The following RIMS2 variants were observed in gnomAD, a reference collection of about 807,000 sequenced individuals.
RIMS2 encodes regulating synaptic membrane exocytosis 2, also known as regulating synaptic membrane exocytosis protein 2.
In RIMS2, 59 loss-of-function variants were observed where a neutral mutation model predicts 174.4. That is an observed-to-expected ratio of 0.34 (90% CI 0.27 to 0.42). The LOEUF (loss-of-function observed/expected upper bound fraction) is 0.42. Ranked by LOEUF, RIMS2 falls within the 10% of genes least tolerant of loss-of-function variation. The probability of loss-of-function intolerance (pLI) is 1.00; values close to 1 mark genes in which losing one functional copy is unlikely to be tolerated. For missense variants in RIMS2, 1,620 were observed against 1,666.3 expected, an observed-to-expected ratio of 0.97 and a Z score of 0.48; for synonymous variants, 606 against 572.5, an observed-to-expected ratio of 1.06 and a Z score of -0.84.
chr8:103,638,252 A>G (rs1011691729), intron 1 of RIMS2, among the ~76,000 whole-genome samples: 3 of 152,092 alleles, frequency 2.0e-5, no homozygotes, highest in Non-Finnish European at 4.4e-5. Context: ...CATCAAAACC[A>G]CAGTAATTAA....
intron 3 of RIMS2, among the ~76,000 whole-genome samples, chr8:103,787,540 T>A (rs2098455277): frequency 6.6e-6 from 1 of 152,020 alleles, no homozygotes; most frequent in Admixed American, 6.5e-5. Context: ...AAGCTTAGTT[T>A]GGCTGGATAT....
chr8:104,114,515 A>G (rs1451983191), intron 19 of RIMS2, among the ~76,000 whole-genome samples: 2 of 151,944 alleles, frequency 1.3e-5, no homozygotes, highest in South Asian at 2.1e-4. Context: ...AGGTACTACT[A>G]TTTTCCTTAA....
intron 2 of RIMS2, among the ~76,000 whole-genome samples, chr8:103,758,867 A>G (rs1404974208): frequency 6.6e-6 from 1 of 152,240 alleles, no homozygotes; most frequent in Non-Finnish European, 1.5e-5. Flanking sequence ...GAGAGGGTTA[A>G]AAGTTTAAAT....
intron 3 of RIMS2, among the ~76,000 whole-genome samples, chr8:103,829,608 A>G (rs540490788): frequency 6.6e-6 from 1 of 152,332 alleles, no homozygotes; most frequent in Non-Finnish European, 1.5e-5. Flanking sequence ...ATGCAGGAAC[A>G]CAAAACCAAA....
intron 19 of RIMS2, among the ~76,000 whole-genome samples, chr8:104,155,436 CAG>C (rs2098716888): frequency 2.6e-5 from 2 of 77,284 alleles, no homozygotes; most frequent in Non-Finnish European, 4.7e-5. Flanking sequence ...TTTTCTGAGA[CAG>C]AGTCTTGCTC....
In RIMS2 at chr8:103,557,807, T is replaced by G. The variant is rs145024363; in HGVS notation, c.176+56745T>G. On this transcript the variant is annotated intron_variant, in intron 1 of 23. Transcript: ENST00000504942. ...ATAATTTAGGCCTAACCATGTACAA[T>G]TTTGAAAATGTACATAAATCAAGCA... Among the ~76,000 whole-genome samples, 708 of 152,304 alleles carry G rather than the reference T, an allele frequency of 4.6e-3. 9 individuals are homozygous for G. The highest frequency in any genetic ancestry group is 0.015 in the African/African-American group (632 of 41,564).
intron 3 of RIMS2, among the ~76,000 whole-genome samples, chr8:103,808,746 A>C (rs2098667239): frequency 6.6e-6 from 1 of 152,122 alleles, no homozygotes; most frequent in Non-Finnish European, 1.5e-5. Context: ...TGTTGATTCG[A>C]CTTCTACCTT....
chr8:103,651,551 GAAGT>G (rs1487277057), intron 1 of RIMS2, among the ~76,000 whole-genome samples: 5 of 152,150 alleles, frequency 3.3e-5, no homozygotes, highest in African/African-American at 9.7e-5. Flanking sequence ...AGCAGAACTA[GAAGT>G]AAAGCACTGA....
In RIMS2 at chr8:103,971,604, C is replaced by T. The variant is rs79875570; in HGVS notation, c.2771-3746C>T. On this transcript the variant is annotated intron_variant, in intron 15 of 23. Transcript: ENST00000504942. Reference sequence around the variant, plus strand: ...TTTTTCTTTTTGAGACAGAGTCTTGCTCTGTCATCCTGGCTGGAGTGTAGT... The same window carrying T: ...TTTTTCTTTTTGAGACAGAGTCTTGTTCTGTCATCCTGGCTGGAGTGTAGT... 2.0e-5 allele frequency among the ~76,000 whole-genome samples: 3 copies of T among 151,228 alleles called. No homozygotes were observed. In the East Asian group the frequency reaches 5.8e-4, roughly 29 times the overall value.
chr8:103,728,984 G>A (rs1295060164), intron 2 of RIMS2, among the ~76,000 whole-genome samples: 3 of 151,694 alleles, frequency 2.0e-5, no homozygotes, highest in Non-Finnish European at 4.4e-5. Context: ...TGCTAGTATT[G>A]TGTTGAGAAT....
intron 3 of RIMS2, among the ~76,000 whole-genome samples, chr8:103,859,162 G>C (rs1446717551): frequency 6.6e-6 from 1 of 152,046 alleles, no homozygotes; most frequent in African/African-American, 2.4e-5. Context: ...AGTTCTGCCA[G>C]CAATTGGTCC....
chr8:103,604,249 A>G (rs2094927180), intron 1 of RIMS2, among the ~76,000 whole-genome samples: 1 of 151,108 alleles, frequency 6.6e-6, no homozygotes, highest in Non-Finnish European at 1.5e-5. Context: ...CATTTATTAA[A>G]TAGAGAATCC....
chr8:103,725,129 A>C (rs1332475078), intron 2 of RIMS2, among the ~76,000 whole-genome samples: 1 of 152,048 alleles, frequency 6.6e-6, no homozygotes, highest in Non-Finnish European at 1.5e-5. Context: ...TACAACTCCT[A>C]TCTCCCCCAC....
At chr8:103,668,360 T>A (rs2096701238) in intron 1 of RIMS2, among the ~76,000 whole-genome samples, 1 of 152,224 alleles carries the variant, frequency 6.6e-6, no homozygotes, top group African/African-American at 2.4e-5. Flanking sequence ...GGAAATACAT[T>A]TTCTGATAAC....
chr8:104,255,197 CCTTTATCCCATATATACCCCCTACTCTA>C (rs2099366182), downstream of RIMS2: 2 of 151,934 alleles, frequency 1.3e-5, no homozygotes, highest in African/African-American at 4.8e-5. Flanking sequence ...ATATATTTTT[CCTTTATCCCATATATACCCCCTACTCTA>C]GTGAATTGTT....
In RIMS2 at chr8:103,767,859, A is replaced by G. The variant is rs972460159; in HGVS notation, c.698+1322A>G. Reference sequence around the variant, plus strand: ...ATCTTGTGGGGACTTCCTCTGGGAGACTGGGTAGAAAGACCTCAGAGTTAT... The same window carrying G: ...ATCTTGTGGGGACTTCCTCTGGGAGGCTGGGTAGAAAGACCTCAGAGTTAT... On this transcript the variant is annotated intron_variant, in intron 3 of 23. Transcript: ENST00000504942. Among the ~76,000 whole-genome samples, 11 of 152,324 alleles carry G rather than the reference A, an allele frequency of 7.2e-5. No individual in the cohort carries two copies. The East Asian group carries it at 1.7e-3, about 24-fold the overall frequency.
intron 2 of RIMS2, among the ~76,000 whole-genome samples, chr8:103,732,339 G>T (rs1401500256): frequency 2.0e-5 from 3 of 152,050 alleles, no homozygotes; most frequent in Non-Finnish European, 4.4e-5. Context: ...TTGTGGGAGG[G>T]GTGACACAAG....
chr8:104,093,486 G>A, intron 19 of RIMS2: 1 of 1,596,184 alleles, frequency 6.3e-7, no homozygotes, highest in Non-Finnish European at 8.5e-7. Flanking sequence ...ATCAGGATGG[G>A]ATCCTCATAG....
intron 3 of RIMS2, chr8:103,880,447 C>A (rs925161309): frequency 4.4e-5 from 16 of 363,050 alleles, no homozygotes; most frequent in Non-Finnish European, 7.4e-5. Flanking sequence ...AGGCCCATCA[C>A]TAGAGGATTC....
Sources: gnomAD v4.1 joint callset for allele counts (sites outside exome capture counted in the v4.1 genomes callset) on GRCh38, gnomAD v4.1.1 for gene constraint, MANE v1.5 for transcripts, NCBI Gene and HGNC (gene_info 2026-07-23, HGNC 2026-07-21) for gene names.